Variants in CHCHD6 observed in about 807,000 individuals in gnomAD.
The protein encoded by CHCHD6 is coiled-coil-helix-coiled-coil-helix domain containing 6, also known as MICOS complex subunit MIC25.
A neutral mutation model predicts 32.3 loss-of-function variants in CHCHD6; 28 were observed. The observed-to-expected ratio is 0.87, with a 90% confidence interval of 0.64 to 1.19. The LOEUF is 1.19. Ranked by LOEUF, CHCHD6 falls within the 50% of genes most tolerant of loss-of-function variation. The pLI is 0.00. For missense variants in CHCHD6, 333 were observed against 307.0 expected, an observed-to-expected ratio of 1.08 and a Z score of -0.63; for synonymous variants, 122 against 117.5, an observed-to-expected ratio of 1.04 and a Z score of -0.25.
chr3:126,924,001 G>T (rs1301258911), intron 6 of CHCHD6, among the ~76,000 whole-genome samples: 1 of 152,206 alleles, frequency 6.6e-6, no homozygotes, highest in Non-Finnish European at 1.5e-5. Flanking sequence ...TGCATCAGCA[G>T]CCATGGGCAC....
chr3:126,932,043 A>G (rs1376721894), intron 6 of CHCHD6, among the ~76,000 whole-genome samples: 4 of 152,210 alleles, frequency 2.6e-5, no homozygotes, highest in Non-Finnish European at 5.9e-5. Context: ...TTCACCCTGC[A>G]GGCACCCGAA....
intron 6 of CHCHD6, among the ~76,000 whole-genome samples, chr3:126,926,281 A>C (rs1332542171): frequency 1.3e-5 from 2 of 152,216 alleles, no homozygotes; most frequent in African/African-American, 4.8e-5. Flanking sequence ...TTGCTAGATG[A>C]TAGGCTCTTT....
rs143069454 is a variant in CHCHD6, at chr3:126,910,898, C to A, written c.496-3782C>A. 1.0e-3 allele frequency among the ~76,000 whole-genome samples: 155 copies of A among 152,230 alleles called. 1 individual carries two copies. The highest frequency in any genetic ancestry group is 5.0e-3 in the East Asian group (26 of 5,170). ...GTGCTCACTCACACATGTGCCCATGCATGCACAGCACCTCGCCCTGACAAG... is the reference window on the plus strand; with the variant it reads ...GTGCTCACTCACACATGTGCCCATGAATGCACAGCACCTCGCCCTGACAAG... On this transcript the variant is annotated intron_variant, in intron 5 of 7. Coordinates refer to ENST00000290913, the MANE Select transcript of CHCHD6 (RefSeq NM_032343.3).
At chr3:126,845,652 T>G (rs1941270190) in intron 4 of CHCHD6, among the ~76,000 whole-genome samples, 1 of 152,212 alleles carries the variant, frequency 6.6e-6, no homozygotes, top group African/African-American at 2.4e-5. Context: ...TTCATTCTTT[T>G]GTCTGTTTGT....
intron 5 of CHCHD6, among the ~76,000 whole-genome samples, chr3:126,898,922 AAGG>A (rs1172091486): frequency 1.3e-5 from 2 of 152,248 alleles, no homozygotes; most frequent in African/African-American, 4.8e-5. Flanking sequence ...TAAATATTAA[AAGG>A]AGGAAATTGA....
intron 4 of CHCHD6, chr3:126,766,906 C>T: frequency 9.6e-7 from 1 of 1,046,194 alleles, no homozygotes; most frequent in Non-Finnish European, 1.5e-6. Context: ...CTCTGCGTGG[C>T]CCAGCCGGCC....
chr3:126,901,171 G>A (rs1008175), intron 5 of CHCHD6, among the ~76,000 whole-genome samples: 50,538 of 152,114 alleles, frequency 0.33, 10,734 homozygotes, highest in African/African-American at 0.6. Context: ...CAAGAAGGAA[G>A]AGCCTAACTC....
chr3:126,889,905 C>T (rs867652630), intron 5 of CHCHD6, among the ~76,000 whole-genome samples: 2 of 152,188 alleles, frequency 1.3e-5, no homozygotes, highest in African/African-American at 2.4e-5. Flanking sequence ...CCTGCTCCTG[C>T]GTTTGTGGTT....
intron 6 of CHCHD6, among the ~76,000 whole-genome samples, chr3:126,945,548 ACGGGGAGACTCAG>A (rs2078623945): frequency 1.7e-5 from 2 of 119,022 alleles, no homozygotes; most frequent in Non-Finnish European, 1.7e-5. Flanking sequence ...GAGACTCGGG[ACGGGGAGACTCAG>A]TGTAGGGGAG....
chr3:126,958,147 A>G (rs568968929), intron 7 of CHCHD6, among the ~76,000 whole-genome samples: 8 of 151,056 alleles, frequency 5.3e-5, no homozygotes, highest in African/African-American at 1.9e-4. Context: ...GCCAGCTCCT[A>G]CTGCCTTCCT....
intron 5 of CHCHD6, among the ~76,000 whole-genome samples, chr3:126,869,271 CTT>C (rs2077432038): frequency 7.1e-6 from 1 of 139,926 alleles, no homozygotes; most frequent in Non-Finnish European, 1.5e-5. Flanking sequence ...TATCAGGTCT[CTT>C]TGCACACCAG....
At chr3:126,751,150 T>A (rs1302351089) in intron 4 of CHCHD6, among the ~76,000 whole-genome samples, 1 of 151,936 alleles carries the variant, frequency 6.6e-6, no homozygotes, top group Non-Finnish European at 1.5e-5. Context: ...ACTGTTATTT[T>A]TTTTTTTTCT....
intron 6 of CHCHD6, chr3:126,956,986 G>A (rs11706103): frequency 0.6 from 108,348 of 181,330 alleles, 33,940 homozygotes; most frequent in Non-Finnish European, 0.69. Flanking sequence ...AGCAGCTGAC[G>A]GCTATCCTGG....
At position 126,942,000 on chromosome 3, in the gene CHCHD6, C is replaced by T. The variant is rs565511705; in HGVS notation, c.567-15416C>T. Among the ~76,000 whole-genome samples, 8 of 152,318 alleles carry T rather than the reference C, an allele frequency of 5.3e-5. No homozygotes were observed. In the South Asian group the frequency reaches 1.7e-3, roughly 32 times the overall value. ...TCAGCTCCTTCATATGGAACAGTTC[C>T]TTACTCTTTCGTGTCTCTCTCCACC... On this transcript the variant is annotated intron_variant, in intron 6 of 7. Transcript: ENST00000290913.
intron 4 of CHCHD6, among the ~76,000 whole-genome samples, chr3:126,849,445 G>A (rs1941396767): frequency 6.6e-6 from 1 of 152,224 alleles, no homozygotes. Context: ...GTTTGGAGTA[G>A]GGTAGAGGCA....
intron 5 of CHCHD6, among the ~76,000 whole-genome samples, chr3:126,891,659 A>G (rs778173701): frequency 2.6e-5 from 4 of 152,148 alleles, no homozygotes; most frequent in Non-Finnish European, 4.4e-5. Context: ...TAGCCATCCC[A>G]TGTGAAACAG....
At chr3:126,746,026 A>C (rs1231882676) in intron 4 of CHCHD6, among the ~76,000 whole-genome samples, 1 of 151,996 alleles carries the variant, frequency 6.6e-6, no homozygotes, top group African/African-American at 2.4e-5. Context: ...TCTCTGGAGG[A>C]TTCTGGTACT....
At chr3:126,863,418 C>T (rs1942045082) in intron 5 of CHCHD6, among the ~76,000 whole-genome samples, 2 of 140,604 alleles carry the variant, frequency 1.4e-5, no homozygotes, top group South Asian at 5.0e-4. Context: ...CTACCATCAT[C>T]ACCTCCTCCT....
chr3:126,802,745 TC>T (rs766180382), intron 4 of CHCHD6, among the ~76,000 whole-genome samples: 147 of 152,112 alleles, frequency 9.7e-4, no homozygotes, highest in Non-Finnish European at 1.1e-3. Flanking sequence ...GAAGAGCAAC[TC>T]CAAGACACAT....
Sources: gnomAD v4.1 joint callset for allele counts (sites outside exome capture counted in the v4.1 genomes callset) on GRCh38, gnomAD v4.1.1 for gene constraint, MANE v1.5 for transcripts, NCBI Gene and HGNC (gene_info 2026-07-23, HGNC 2026-07-21) for gene names.